ULK2: variants seen among roughly 807,000 people sequenced by gnomAD.
ULK2 encodes serine/threonine-protein kinase ULK2.
A neutral mutation model predicts 127.5 loss-of-function variants in ULK2; 76 were observed. The ratio of observed to expected loss-of-function variants is 0.60; its 90% CI spans 0.50 to 0.72. The LOEUF (loss-of-function observed/expected upper bound fraction) is 0.72, where lower values mean the gene tolerates loss of function less well. Among genes scored for constraint, ULK2 ranks in the 30% least tolerant of loss-of-function variants. The probability of loss-of-function intolerance (pLI) is 0.00; values close to 1 mark genes in which losing one functional copy is unlikely to be tolerated. For missense variants in ULK2, 1,144 were observed against 1,295.9 expected, an observed-to-expected ratio of 0.88 and a Z score of 1.80; for synonymous variants, 452 against 461.9, an observed-to-expected ratio of 0.98 and a Z score of 0.28.
At chr17:19,790,931 G>A (rs1012295818) in intron 20 of ULK2, among the ~76,000 whole-genome samples, 16 of 152,012 alleles carry the variant, frequency 1.1e-4, no homozygotes, top group Admixed American at 2.6e-4. Context: ...ATATAATGAC[G>A]AAGGGGTCAA....
intron 15 of ULK2, among the ~76,000 whole-genome samples, chr17:19,802,514 A>G (rs114738801): frequency 6.6e-6 from 1 of 152,352 alleles, no homozygotes; most frequent in African/African-American, 2.4e-5. Flanking sequence ...ATATTTTTAT[A>G]AATTTCTAAT....
rs141750258 is a variant in ULK2, at chr17:19,826,448, C to A, written c.788-262G>T. ...CTCAAAACATCTATCACCAGCACAA[C>A]ATACTCTGATGCTACTTACACAGAC... is the stretch of plus-strand genomic sequence containing the variant. On this transcript the variant is annotated intron_variant, in intron 10 of 26. Coordinates refer to ENST00000395544, the MANE Select transcript of ULK2 (RefSeq NM_014683.4). 8.5e-5 allele frequency among the ~76,000 whole-genome samples: 13 copies of A among 152,240 alleles called. No individual in the cohort carries two copies. In the East Asian group the frequency reaches 9.6e-4, roughly 11 times the overall value.
intron 15 of ULK2, among the ~76,000 whole-genome samples, chr17:19,802,882 T>C (rs1478762811): frequency 6.6e-6 from 1 of 152,228 alleles, no homozygotes; most frequent in Non-Finnish European, 1.5e-5. Flanking sequence ...CTGGAAAACA[T>C]TGGTTCACTG....
chr17:19,811,508 C>T (rs2087639833), intron 13 of ULK2, among the ~76,000 whole-genome samples: 1 of 151,838 alleles, frequency 6.6e-6, no homozygotes, highest in South Asian at 2.1e-4. Flanking sequence ...GCAGCATGAT[C>T]TCGGCTCACT....
At chr17:19,786,951 C>T (rs1173320125) in intron 20 of ULK2, among the ~76,000 whole-genome samples, 1 of 151,682 alleles carries the variant, frequency 6.6e-6, no homozygotes, top group African/African-American at 2.4e-5. Flanking sequence ...AACATGTATA[C>T]AGTTGCACTG....
At chr17:19,851,688 AAC>A (rs768857430) in intron 3 of ULK2, among the ~76,000 whole-genome samples, 6 of 151,968 alleles carry the variant, frequency 3.9e-5, no homozygotes, top group Non-Finnish European at 8.8e-5. Flanking sequence ...AAGGACACAA[AAC>A]AGTTTCTTCT....
intron 9 of ULK2, 87 bp from the exon 10 acceptor site, chr17:19,838,670 C>T (rs1241722234): frequency 5.5e-6 from 6 of 1,088,480 alleles, no homozygotes; most frequent in East Asian, 2.4e-5. Flanking sequence ...TAAACTAAAA[C>T]GTGTATGCGG....
intron 13 of ULK2, among the ~76,000 whole-genome samples, chr17:19,815,363 A>C (rs1047898134): frequency 2.6e-5 from 4 of 151,946 alleles, no homozygotes; most frequent in African/African-American, 7.3e-5. Context: ...CAGGGACCCC[A>C]GTGCTCCTGG....
rs2086928662 is a variant in ULK2 at position 19,781,984 on chromosome 17, TC to T, written c.2543del (p.Gly848GlufsTer28). 6.2e-7 allele frequency: 1 copy of T among 1,614,082 alleles called. No individual in the cohort carries two copies. Among genetic ancestry groups the T allele is most frequent in the African/African-American group, 1.3e-5 (1 of 74,912 alleles). On this transcript the variant is annotated frameshift_variant, in exon 23 of 27. Coordinates refer to ENST00000395544, the MANE Select transcript of ULK2 (RefSeq NM_014683.4). LOFTEE classifies it high-confidence loss of function. ...CAGATGTGCACAGCTCAGGGTTTCC[TC>T]CCCTCATGGCTGTCAGGTCCAGCAC... ...ECVLDLTAMRGGNPELCTSAV... is the reference protein window; with the variant it reads ...ECVLDLTAMRXGNPELCTSAV...
At chr17:19,844,991 C>T (rs1300728900) in intron 7 of ULK2, among the ~76,000 whole-genome samples, 1 of 152,116 alleles carries the variant, frequency 6.6e-6, no homozygotes, top group Non-Finnish European at 1.5e-5. Context: ...TTTTAAAGCA[C>T]TCTTATATTA....
chr17:19,793,722 T>G (rs1311980130), intron 20 of ULK2, among the ~76,000 whole-genome samples: 2 of 152,088 alleles, frequency 1.3e-5, no homozygotes, highest in African/African-American at 4.8e-5. Context: ...AAATAAAGCT[T>G]AACTCCTGGC....
At chr17:19,803,737 A>G (rs2087451096) in intron 15 of ULK2, among the ~76,000 whole-genome samples, 1 of 152,172 alleles carries the variant, frequency 6.6e-6, no homozygotes, top group Non-Finnish European at 1.5e-5. Flanking sequence ...GTTCATTACC[A>G]GTGGCCACTT....
intron 9 of ULK2, chr17:19,840,189 G>T (rs554381922): frequency 4.1e-6 from 2 of 488,708 alleles, no homozygotes; most frequent in South Asian, 3.0e-5. Context: ...CAACCCAGCC[G>T]AATACAACAT....
intron 15 of ULK2, among the ~76,000 whole-genome samples, chr17:19,804,417 GTAAT>G (rs2087467738): frequency 6.6e-6 from 1 of 151,710 alleles, no homozygotes; most frequent in Non-Finnish European, 1.5e-5. Flanking sequence ...ATTCTTAAAA[GTAAT>G]TATACATTTT....
chr17:19,865,232 T>C (rs891725275), intron 2 of ULK2, among the ~76,000 whole-genome samples: 5 of 152,164 alleles, frequency 3.3e-5, no homozygotes, highest in Non-Finnish European at 7.4e-5. Flanking sequence ...TTTGTGACTC[T>C]CCAAGAAGTA....
Position 19,797,668 on chromosome 17 carries a change from G to A in ULK2, c.1537C>T (p.Gln513Ter). ...SRNSSGSPVP[Q>*]AQSPQSLLSG... Reference sequence around the variant, plus strand: ...AAGAGAGACTGTGGGGACTGAGCTTGTGGCACTGGAGAACCTAACAAGAAA... The same window carrying A: ...AAGAGAGACTGTGGGGACTGAGCTTATGGCACTGGAGAACCTAACAAGAAA... The change falls in exon 18 of 27, where the codon CAA (glutamine) becomes TAA (stop). Residue 513 changes from glutamine to a stop codon, truncating the protein, a stop_gained. Transcript: ENST00000395544. LOFTEE classifies it high-confidence loss of function. 4 of 1,532,692 alleles carry A rather than the reference G, an allele frequency of 2.6e-6. No homozygotes were observed. Among genetic ancestry groups the A allele is most frequent in the Non-Finnish European group, 3.5e-6 (4 of 1,138,398 alleles). 94.9% of individuals were successfully genotyped at this position (1,532,692 alleles called of 1,614,324 possible).
chr17:19,784,899 C>A (rs2086996125), intron 21 of ULK2, among the ~76,000 whole-genome samples: 1 of 152,054 alleles, frequency 6.6e-6, no homozygotes, highest in Non-Finnish European at 1.5e-5. Context: ...ATGGTATTTT[C>A]TTATTATTCA....
intron 3 of ULK2, among the ~76,000 whole-genome samples, chr17:19,861,773 G>C (rs1447195790): frequency 6.6e-6 from 1 of 152,198 alleles, no homozygotes; most frequent in Non-Finnish European, 1.5e-5. Flanking sequence ...TAGGGACTGA[G>C]AGATGAGTTT....
Position 19,850,886 on chromosome 17 carries a change from T to C in ULK2, c.226-1112A>G, listed in dbSNP as rs190764530. Reference sequence around the variant, plus strand: ...ATCTAGACCTATCTATATCTAGATATATAGCTTTTGGGCTGGGCCCAGTGG... The same window carrying C: ...ATCTAGACCTATCTATATCTAGATACATAGCTTTTGGGCTGGGCCCAGTGG... On this transcript the variant is annotated intron_variant, in intron 3 of 26. Coordinates refer to ENST00000395544, the MANE Select transcript of ULK2 (RefSeq NM_014683.4). Among the ~76,000 whole-genome samples the C allele has an allele frequency of 4.3e-3, 647 of 152,098 alleles. 11 individuals carry two copies. The highest frequency in any genetic ancestry group is 0.039 in the Admixed American group (589 of 15,256).
Sources: gnomAD v4.1 joint callset for allele counts (sites outside exome capture counted in the v4.1 genomes callset) on GRCh38, gnomAD v4.1.1 for gene constraint, MANE v1.5 for transcripts, NCBI Gene and HGNC (gene_info 2026-07-23, HGNC 2026-07-21) for gene names.